ZNF136: variants seen among roughly 807,000 people sequenced by gnomAD.
ZNF136 encodes zinc finger protein 136 (clone pHZ-20).
ZNF136 carries 8 observed loss-of-function variants against 11.4 expected under a neutral mutation model. That is an observed-to-expected ratio of 0.70 (90% CI 0.41 to 1.27). The LOEUF is 1.27. ZNF136 is among the 50% of genes most tolerant of loss of function. The pLI is 0.01. For synonymous variants in ZNF136, 190 were observed against 207.1 expected, an observed-to-expected ratio of 0.92 and a Z score of 0.71; for missense variants, 590 against 656.5, an observed-to-expected ratio of 0.90 and a Z score of 1.11.
intron 1 of ZNF136, among the ~76,000 whole-genome samples, chr19:12,175,378 A>G (rs375569575): frequency 1.2e-3 from 189 of 152,182 alleles, no homozygotes; most frequent in African/African-American, 4.5e-3. Flanking sequence ...TATTTTTAGT[A>G]GAGACAGGGT....
chr19:12,172,547 C>T (rs1914684190), intron 1 of ZNF136, among the ~76,000 whole-genome samples: 1 of 152,124 alleles, frequency 6.6e-6, no homozygotes, highest in Admixed American at 6.6e-5. Context: ...AGCCACTAAT[C>T]CGGTATCTAT....
Position 12,163,191 on chromosome 19 carries a change from C to A in ZNF136, c.-13C>A. On this transcript the variant is annotated 5_prime_UTR_variant, in exon 1 of 4. Transcript: ENST00000343979. Reference sequence around the variant, plus strand: ...TCCGGAGGGAGGAAGCTGGGACACCCGGGAGTCAGGAAATGGTGAGTGTGT... The same window carrying A: ...TCCGGAGGGAGGAAGCTGGGACACCAGGGAGTCAGGAAATGGTGAGTGTGT... The A allele has an allele frequency of 7.1e-7, 1 of 1,398,912 alleles. No individual in the cohort carries two copies. 86.7% of individuals were successfully genotyped at this position (1,398,912 alleles called of 1,614,324 possible).
intron 1 of ZNF136, among the ~76,000 whole-genome samples, chr19:12,178,881 C>T (rs1220583988): frequency 2.0e-5 from 3 of 151,722 alleles, no homozygotes; most frequent in African/African-American, 4.8e-5. Context: ...CCCTGCTACT[C>T]GGGAGGCTGA....
Position 12,188,238 on chromosome 19 carries a change from ACC to A in ZNF136, c.*239_*240del, listed in dbSNP as rs1915169398. 3 of 372,426 alleles carry A rather than the reference ACC, an allele frequency of 8.1e-6. No homozygotes were observed. The East Asian group carries it at 1.2e-4, about 15-fold the overall frequency. The allele number at this position is 372,426 out of a possible 1,614,324, so 23.1% of individuals were successfully genotyped here. A position where few individuals can be genotyped will look rare whatever the true frequency, so the allele number is the denominator to read the frequency against. ...CCAAACAAATGCTTTTTGGAAAGGA[ACC>A]CATATTTGAGAGAAACCCTGGGTAA... On this transcript the variant is annotated 3_prime_UTR_variant, in exon 4 of 4. Transcript: ENST00000343979.
intron 2 of ZNF136, 60 bp from the exon 3 acceptor site, chr19:12,186,054 A>G (rs1915072916): frequency 1.3e-6 from 2 of 1,590,740 alleles, no homozygotes; most frequent in Non-Finnish European, 1.7e-6. Context: ...TGAACCTAGA[A>G]TCTAATAATT....
chr19:12,173,852 C>T (rs1375322744), intron 1 of ZNF136, among the ~76,000 whole-genome samples: 2 of 151,974 alleles, frequency 1.3e-5, no homozygotes, highest in Non-Finnish European at 2.9e-5. Flanking sequence ...GCTTCATAAT[C>T]GAATCGGTTT....
intron 1 of ZNF136, among the ~76,000 whole-genome samples, chr19:12,165,759 C>T (rs184246989): frequency 3.3e-5 from 5 of 152,270 alleles, no homozygotes; most frequent in Admixed American, 2.6e-4. Flanking sequence ...CTGGACAGTG[C>T]CCTTGTGTCT....
rs1055118141 is a variant in ZNF136, at chr19:12,169,733, C to T, written c.3+6527C>T. ...ATGCGATTCTCCTGCCTCAGCCTAC[C>T]GAGTAGCTGGGACTTACAGGCGCCC... On this transcript the variant is annotated intron_variant, in intron 1 of 3. Transcript: ENST00000343979. Among the ~76,000 whole-genome samples the T allele has an allele frequency of 1.3e-4, 20 of 152,024 alleles. No individual in the cohort carries two copies. The East Asian group carries it at 3.3e-3, about 25-fold the overall frequency.
Position 12,188,192 on chromosome 19 carries a change from A to T in ZNF136, c.*191A>T, listed in dbSNP as rs918114173. ...ATTTTAGTTCCTTTCAAATACATGA[A>T]AGAACTCATCATGGAGAAAACCAAA... On this transcript the variant is annotated 3_prime_UTR_variant, in exon 4 of 4. Coordinates refer to ENST00000343979, the MANE Select transcript of ZNF136 (RefSeq NM_003437.5). The T allele has an allele frequency of 8.8e-6, 4 of 452,190 alleles. No individual in the cohort carries two copies. The highest frequency in any genetic ancestry group is 1.1e-3 in the Middle Eastern group (2 of 1,808). 28.0% of individuals were successfully genotyped at this position (452,190 alleles called of 1,614,324 possible).
chr19:12,163,172 G>A lies in ZNF136; in HGVS notation c.-32G>A. 2.8e-6 allele frequency: 4 copies of A among 1,404,328 alleles called. No homozygotes were observed. In the South Asian group the frequency reaches 5.2e-5, roughly 18 times the overall value. The allele number at this position is 1,404,328 out of a possible 1,614,324, so 87.0% of individuals were successfully genotyped here. On this transcript the variant is annotated 5_prime_UTR_variant, in exon 1 of 4. Transcript: ENST00000343979. Reference sequence around the variant, plus strand: ...TCCTGTACCTGCCTTGGGATCCGGAGGGAGGAAGCTGGGACACCCGGGAGT... The same window carrying A: ...TCCTGTACCTGCCTTGGGATCCGGAAGGAGGAAGCTGGGACACCCGGGAGT...
chr19:12,186,701 G>T lies in ZNF136; in HGVS notation c.323G>T (p.Gly108Val), dbSNP rs1425760357. 6.2e-7 allele frequency: 1 copy of T among 1,614,132 alleles called. No homozygotes were observed. Among genetic ancestry groups the T allele is most frequent in the South Asian group, 1.1e-5 (1 of 91,076 alleles). The change falls in exon 4 of 4, where the codon GGA (glycine) becomes GTA (valine). Residue 108 changes from glycine to valine, a missense_variant. Transcript: ENST00000343979. ...AAACTCTGTGAAAGCATTGTATATG[G>T]AGAAGTCAGCATGGGTCAGTCATCC... Reference protein sequence around the residue: ...GVKLCESIVYGEVSMGQSSLN... With the variant: ...GVKLCESIVYVEVSMGQSSLN...
intron 1 of ZNF136, 112 bp downstream of exon 1, chr19:12,163,318 C>T: frequency 1.6e-6 from 2 of 1,263,412 alleles, no homozygotes; most frequent in South Asian, 5.6e-5. Context: ...GGTCTGCGTA[C>T]CGAGTCCCTC....
At position 12,186,554 on chromosome 19, in the gene ZNF136, G is replaced by A. The variant is rs8111785; in HGVS notation, c.192-16G>A. 3.4e-5 allele frequency: 53 copies of A among 1,558,010 alleles called. No individual in the cohort carries two copies. Among genetic ancestry groups the A allele is most frequent in the Admixed American group, 1.7e-4 (9 of 53,226 alleles). On this transcript the variant is annotated splice_polypyrimidine_tract_variant and intron_variant, in intron 3 of 3. Coordinates refer to ENST00000343979, the MANE Select transcript of ZNF136 (RefSeq NM_003437.5). ...GATTAACAAATCCTTAGTAATGTCC[G>A]TCTCATTTTTTACAGAAGTCATATG...
chr19:12,183,240 G>A (rs776210104), intron 1 of ZNF136, among the ~76,000 whole-genome samples: 3 of 151,896 alleles, frequency 2.0e-5, no homozygotes, highest in Non-Finnish European at 2.9e-5. Flanking sequence ...CACCTCCCCG[G>A]TTCAAGCAAT....
At chr19:12,165,889 C>T (rs531302928) in intron 1 of ZNF136, among the ~76,000 whole-genome samples, 4 of 152,280 alleles carry the variant, frequency 2.6e-5, no homozygotes, top group Non-Finnish European at 4.4e-5. Flanking sequence ...TCAGACTTAG[C>T]GGTGTGACCT....
chr19:12,185,624 G>A (rs1915060145), intron 1 of ZNF136, 161 bp from the exon 2 acceptor site: 8 of 840,890 alleles, frequency 9.5e-6, no homozygotes, highest in Non-Finnish European at 1.4e-5. Flanking sequence ...TTCCATTCTA[G>A]TATGAGAGTT....
intron 1 of ZNF136, among the ~76,000 whole-genome samples, chr19:12,181,781 C>T (rs1339850707): frequency 6.6e-6 from 1 of 152,070 alleles, no homozygotes; most frequent in Non-Finnish European, 1.5e-5. Flanking sequence ...ACTACAGGCA[C>T]CCACCACTAC....
chr19:12,185,738 C>T (rs2145642145), intron 1 of ZNF136, 47 bp from the exon 2 acceptor site: 1 of 1,596,156 alleles, frequency 6.3e-7, no homozygotes, highest in East Asian at 2.2e-5. Flanking sequence ...CTCCCCAGCC[C>T]TGTCTGTCTC....
chr19:12,178,094 G>A (rs1217025454), intron 1 of ZNF136, among the ~76,000 whole-genome samples: 1 of 152,204 alleles, frequency 6.6e-6, no homozygotes, highest in East Asian at 1.9e-4. Flanking sequence ...GTGTCAGAGT[G>A]AGACTCAATC....
Sources: gnomAD v4.1 joint callset for allele counts (sites outside exome capture counted in the v4.1 genomes callset) on GRCh38, gnomAD v4.1.1 for gene constraint, MANE v1.5 for transcripts, NCBI Gene and HGNC (gene_info 2026-07-23, HGNC 2026-07-21) for gene names.